Variants in FIBCD1 observed in about 807,000 individuals in gnomAD.
The protein encoded by FIBCD1 is fibrinogen C domain containing 1.
Under a neutral mutation model 45.1 loss-of-function variants are expected in FIBCD1, and 47 were observed. The ratio of observed to expected loss-of-function variants is 1.04; its 90% CI spans 0.82 to 1.33. The LOEUF (loss-of-function observed/expected upper bound fraction) is 1.33. Ranked by LOEUF, FIBCD1 falls within the 40% of genes most tolerant of loss-of-function variation. The probability of loss-of-function intolerance (pLI) is 0.00; values close to 1 mark genes in which losing one functional copy is unlikely to be tolerated. For synonymous variants in FIBCD1, 313 were observed against 308.1 expected (o/e 1.02, Z -0.17); for missense variants, 653 against 682.2 (o/e 0.96, Z 0.48).
intron 5 of FIBCD1, among the ~76,000 whole-genome samples, chr9:130,908,622 C>G (rs1233517778): frequency 6.6e-6 from 1 of 152,122 alleles, no homozygotes; most frequent in Non-Finnish European, 1.5e-5. Context: ...CTTTCCTAAG[C>G]CTCAACTTCC....
Position 130,922,447 on chromosome 9 carries a change from C to T in FIBCD1, c.849+1297G>A, listed in dbSNP as rs192133137. ...CATCCCCGTTTCACAGCTGAGGAAACGGGGGCTCAGAGAACCGAGGTAAGT... is the reference window on the plus strand; with the variant it reads ...CATCCCCGTTTCACAGCTGAGGAAATGGGGGCTCAGAGAACCGAGGTAAGT... On this transcript the variant is annotated intron_variant, in intron 4 of 6. Coordinates refer to ENST00000372338, the MANE Select transcript of FIBCD1 (RefSeq NM_032843.5). This position sits in a 1 kb window ranked among gnomAD's most constrained non-coding sequence, Gnocchi z 4.5. 2.1e-3 allele frequency among the ~76,000 whole-genome samples: 321 copies of T among 152,222 alleles called. 4 individuals are homozygous for T. Among genetic ancestry groups the T allele is most frequent in the Admixed American group, 5.5e-3 (84 of 15,280 alleles).
rs777910575 is a variant in FIBCD1, at chr9:130,905,366, G to T, written c.994C>A (p.His332Asn). 8.6e-5 allele frequency: 139 copies of T among 1,613,886 alleles called. 1 individual carries two copies. The East Asian group carries it at 3.0e-3, about 34-fold the overall frequency. The change falls in exon 6 of 7, where the codon CAC becomes AAC. Residue 332 changes from histidine to asparagine, a missense_variant. Transcript: ENST00000372338. ...TTCTCAAAGTCCTCCAGGTCCACGT[G>T]CAGCTCGTAGGCAGCCTGTGTGGTC... is the stretch of plus-strand genomic sequence containing the variant. Reference protein sequence around the residue: ...ALTTQAAYELHVDLEDFENGT... With the variant: ...ALTTQAAYELNVDLEDFENGT...
At chr9:130,910,084 C>T (rs1832009389) in intron 5 of FIBCD1, among the ~76,000 whole-genome samples, 1 of 152,242 alleles carries the variant, frequency 6.6e-6, no homozygotes, top group African/African-American at 2.4e-5. Context: ...TGGCCAAGGC[C>T]GGAGCCCACT....
rs1410286041 is a variant in FIBCD1, at chr9:130,905,456, G to A, written c.947-43C>T. 4 of 1,571,330 alleles carry A rather than the reference G, an allele frequency of 2.5e-6. No individual in the cohort carries two copies. In the African/African-American group the frequency reaches 5.4e-5, roughly 21 times the overall value. ...ATGGTGGGAGAAGCTGAGGGGCGTA[G>A]GAAGCGACTCCCCAGGGAGAAATGA... On this transcript the variant is annotated intron_variant, in intron 5 of 6. Coordinates refer to ENST00000372338, the MANE Select transcript of FIBCD1 (RefSeq NM_032843.5).
intron 2 of FIBCD1, 46 bp from the exon 3 acceptor site, chr9:130,924,442 G>C: frequency 6.5e-7 from 1 of 1,540,910 alleles, no homozygotes; most frequent in Non-Finnish European, 8.8e-7. Context: ...GCTCTGTTGG[G>C]GGTGGGGTGG....
chr9:130,924,128 T>A, intron 3 of FIBCD1, 109 bp downstream of exon 3: 1 of 1,391,620 alleles, frequency 7.2e-7, no homozygotes, highest in Non-Finnish European at 9.5e-7. Context: ...CACATGGAAG[T>A]AGGGTCGGGC....
chr9:130,919,612 A>G (rs1318692401), intron 4 of FIBCD1, among the ~76,000 whole-genome samples: 1 of 152,126 alleles, frequency 6.6e-6, no homozygotes, highest in Non-Finnish European at 1.5e-5. Flanking sequence ...CTCCCGGCCT[A>G]AAGAGCTCAG....
At chr9:130,924,194 G>A in intron 3 of FIBCD1, 43 bp downstream of exon 3, 1 of 1,519,032 alleles carries the variant, frequency 6.6e-7, no homozygotes, top group Non-Finnish European at 8.8e-7. Context: ...CCCCAGAGCT[G>A]GGACCCGAGG....
rs569304947 is a variant in FIBCD1 at position 130,912,793 on chromosome 9, A to G, written c.850-905T>C. Among the ~76,000 whole-genome samples the G allele has an allele frequency of 6.1e-4, 87 of 142,460 alleles. 1 individual carries two copies. The highest frequency in any genetic ancestry group is 8.7e-4 in the Non-Finnish European group (58 of 66,574). 93.5% of individuals were successfully genotyped at this position (142,460 alleles called of 152,430 possible). A position where few individuals can be genotyped will look rare whatever the true frequency, so the allele number is the denominator to read the frequency against. On this transcript the variant is annotated intron_variant, in intron 4 of 6. Transcript: ENST00000372338. ...TTTGCTCTGGGCTTCGGTTTCCCCA[A>G]TGGTCAAAGAAAGGGGGGGCAGAGT... is the stretch of plus-strand genomic sequence containing the variant.
At chr9:130,911,928 A>G in intron 4 of FIBCD1, 40 bp from the exon 5 acceptor site, 4 of 1,535,872 alleles carry the variant, frequency 2.6e-6, no homozygotes, top group Non-Finnish European at 3.5e-6. Context: ...GGCACCGACC[A>G]TCCCAGGACT....
chr9:130,939,482 C>T (rs935649888), upstream of FIBCD1, among the ~76,000 whole-genome samples: 3 of 152,106 alleles, frequency 2.0e-5, no homozygotes, highest in South Asian at 2.1e-4. Context: ...ACGCGTGAGC[C>T]TGGCCGGTGG....
intron 5 of FIBCD1, among the ~76,000 whole-genome samples, chr9:130,906,652 C>G (rs1401192560): frequency 1.3e-5 from 2 of 152,238 alleles, no homozygotes; most frequent in African/African-American, 4.8e-5. Context: ...TCTCTGGGCC[C>G]CAGCTCGGCT....
At chr9:130,930,657 C>A in intron 1 of FIBCD1, 1 of 438,782 alleles carries the variant, frequency 2.3e-6, no homozygotes, top group Non-Finnish European at 4.6e-6. Context: ...CCCCGTGGAG[C>A]CCACACCACC....
chr9:130,933,107 C>T (rs919602387), intron 1 of FIBCD1, among the ~76,000 whole-genome samples: 4 of 152,204 alleles, frequency 2.6e-5, no homozygotes, highest in African/African-American at 7.2e-5. Flanking sequence ...TCGAGGAAGC[C>T]GCAGGGGGTC....
Position 130,929,722 on chromosome 9 carries a change from C to A in FIBCD1, c.397G>T (p.Glu133Ter). 6.3e-7 allele frequency: 1 copy of A among 1,591,514 alleles called. No homozygotes were observed. Among genetic ancestry groups the A allele is most frequent in the East Asian group, 2.3e-5 (1 of 43,650 alleles). The change falls in exon 2 of 7, where the codon GAG becomes TAG. Residue 133 changes from glutamate (E) to a stop codon, truncating the protein, a stop_gained. Transcript: ENST00000372338. LOFTEE classifies it high-confidence loss of function. ...QAQPRLVGDQ[E>*]QELLDTLADQ... is the part of the protein sequence containing the mutation. ...GCCAGCGTGTCCAGCAGCTCCTGCT[C>A]CTGGTCGCCCACCAGCCGTGGCTGG...
In FIBCD1 at chr9:130,903,630, G is replaced by A. The variant is rs542429671; in HGVS notation, c.*434C>T. 20 of 289,264 alleles carry A rather than the reference G, an allele frequency of 6.9e-5. No individual in the cohort carries two copies. Among genetic ancestry groups the A allele is most frequent in the South Asian group, 2.6e-4 (7 of 26,532 alleles). 17.9% of individuals were successfully genotyped at this position (289,264 alleles called of 1,614,324 possible). Reference sequence around the variant, plus strand: ...CTCAGACCTGACCTCAGAGAGACCTGACGTTCCCCACGATCTGCTAGGAGG... The same window carrying A: ...CTCAGACCTGACCTCAGAGAGACCTAACGTTCCCCACGATCTGCTAGGAGG... On this transcript the variant is annotated 3_prime_UTR_variant, in exon 7 of 7. Transcript: ENST00000372338.
intron 1 of FIBCD1, among the ~76,000 whole-genome samples, chr9:130,935,635 G>A (rs921606395): frequency 2.6e-5 from 4 of 152,184 alleles, no homozygotes; most frequent in South Asian, 2.1e-4. Flanking sequence ...GGGTGATTTC[G>A]GTACCCTGAG....
intron 5 of FIBCD1, among the ~76,000 whole-genome samples, chr9:130,906,523 C>T (rs1023298505): frequency 7.9e-5 from 12 of 152,172 alleles, no homozygotes; most frequent in Admixed American, 1.3e-4. Flanking sequence ...GCTGACCGCA[C>T]GACCCACGTT....
intron 4 of FIBCD1, among the ~76,000 whole-genome samples, chr9:130,918,628 T>G (rs1364258251): frequency 4.6e-5 from 7 of 152,106 alleles, no homozygotes; most frequent in Admixed American, 4.6e-4. Flanking sequence ...AACAAAGAAC[T>G]TGGATGTGTG....
Sources: allele counts gnomAD v4.1 joint callset (sites outside exome capture counted in the v4.1 genomes callset), GRCh38; gene constraint gnomAD v4.1.1; non-coding constraint Gnocchi (gnomAD v3.1); transcripts MANE v1.5; gene names NCBI Gene and HGNC (gene_info 2026-07-23, HGNC 2026-07-21).